The following PCDH15 variants were observed in gnomAD, a reference collection of about 807,000 sequenced individuals.
PCDH15 encodes protocadherin-15.
In PCDH15, 129 loss-of-function variants were observed where a neutral mutation model predicts 178.5. The ratio of observed to expected loss-of-function variants is 0.72; its 90% CI spans 0.63 to 0.84. The LOEUF (loss-of-function observed/expected upper bound fraction) is 0.84. Among genes scored for constraint, PCDH15 ranks in the 40% least tolerant of loss-of-function variants. The pLI, the probability that PCDH15 is intolerant of heterozygous loss-of-function variation, is 0.00. For missense variants in PCDH15, 2,230 were observed against 2,099.9 expected (o/e 1.06, Z -1.21); for synonymous variants, 800 against 732.0 (o/e 1.09, Z -1.50).
chr10:53,821,173 G>A (rs1378780338), intron 32 of PCDH15: 5 of 971,132 alleles, frequency 5.1e-6, no homozygotes, highest in Non-Finnish European at 3.7e-6. Flanking sequence ...GAATAAGACA[G>A]CAACTGAAAA....
intron 2 of PCDH15, among the ~76,000 whole-genome samples, chr10:55,375,983 T>C (rs1400355482): frequency 6.6e-6 from 1 of 152,034 alleles, no homozygotes; most frequent in African/African-American, 2.4e-5. Context: ...TCTATAAAAA[T>C]AGTTAATATA....
chr10:54,320,874 A>T (rs2061558982), intron 7 of PCDH15, among the ~76,000 whole-genome samples: 1 of 151,840 alleles, frequency 6.6e-6, no homozygotes, highest in African/African-American at 2.4e-5. Context: ...AGTAGGTTAT[A>T]TTTTCACATA....
chr10:54,956,689 C>G (rs1312737414), intron 2 of PCDH15, among the ~76,000 whole-genome samples: 1 of 151,464 alleles, frequency 6.6e-6, no homozygotes, highest in African/African-American at 2.4e-5. Context: ...TTTTATTCAG[C>G]AGTTATCCAG....
At chr10:54,319,919 G>A (rs961537181) in intron 7 of PCDH15, among the ~76,000 whole-genome samples, 1 of 152,010 alleles carries the variant, frequency 6.6e-6, no homozygotes, top group Non-Finnish European at 1.5e-5. Flanking sequence ...ATTTCTGTTG[G>A]TGGAATTTTG....
intron 2 of PCDH15, among the ~76,000 whole-genome samples, chr10:54,546,414 T>C (rs557050648): frequency 1.2e-3 from 180 of 152,278 alleles, no homozygotes; most frequent in Non-Finnish European, 1.7e-3. Context: ...TATTAAAGAC[T>C]AAATAAATGA....
intron 1 of PCDH15, among the ~76,000 whole-genome samples, chr10:54,734,369 G>A (rs912748266): frequency 6.6e-6 from 1 of 151,732 alleles, no homozygotes; most frequent in Non-Finnish European, 1.5e-5. Flanking sequence ...TTTTTTTAAA[G>A]GCTAAGATTA....
intron 23 of PCDH15, among the ~76,000 whole-genome samples, chr10:53,958,978 C>CAAAAA (rs71004497): frequency 1.1e-4 from 5 of 45,820 alleles, no homozygotes; most frequent in Admixed American, 3.7e-4. Context: ...GACTCCATCT[C>CAAAAA]AAAAAAAAAA....
intron 16 of PCDH15, among the ~76,000 whole-genome samples, chr10:54,086,752 T>C (rs899283491): frequency 2.6e-5 from 4 of 152,266 alleles, no homozygotes; most frequent in Admixed American, 1.3e-4. Flanking sequence ...ACAACCATTA[T>C]AGGGACATGT....
At chr10:54,000,714 TGTAA>T (rs1210450086) in intron 20 of PCDH15, among the ~76,000 whole-genome samples, 4 of 151,718 alleles carry the variant, frequency 2.6e-5, no homozygotes, top group African/African-American at 9.7e-5. Flanking sequence ...AAAGGGCAAA[TGTAA>T]GTGTTATTGG....
intron 3 of PCDH15, among the ~76,000 whole-genome samples, chr10:54,853,477 A>G (rs1189135238): frequency 6.9e-6 from 1 of 145,054 alleles, no homozygotes; most frequent in East Asian, 2.0e-4. Context: ...ATATATATAT[A>G]GTATTACAAA....
At chr10:53,883,542 G>A (rs559535114) in intron 26 of PCDH15, among the ~76,000 whole-genome samples, 5 of 152,074 alleles carry the variant, frequency 3.3e-5, no homozygotes, top group Non-Finnish European at 7.4e-5. Context: ...CACTGACCAA[G>A]AAGCAGGTCA....
chr10:53,826,971 C>G (rs1260923733), intron 32 of PCDH15, among the ~76,000 whole-genome samples: 1 of 151,850 alleles, frequency 6.6e-6, no homozygotes, highest in Non-Finnish European at 1.5e-5. Flanking sequence ...GTTTGGATAC[C>G]TAATCAGGAT....
rs552018243 is a variant in PCDH15 at position 55,177,543 on chromosome 10, A to G, written c.-155-10892T>C. On this transcript the variant is annotated intron_variant, in intron 1 of 5. Transcript: ENST00000458638. ...CTGCCTCTGGGCAGTTGCAGTGGTA[A>G]CTTTGCTGGTGCCAGAGGCTACTAA... is the stretch of plus-strand genomic sequence containing the variant. Among the ~76,000 whole-genome samples the G allele has an allele frequency of 5.9e-4, 90 of 152,284 alleles. 1 individual carries two copies. The highest frequency in any genetic ancestry group is 1.1e-3 in the Non-Finnish European group (74 of 68,010).
rs758704885 is a variant in PCDH15 at position 55,266,039 on chromosome 10, C to G, written c.-156+53560G>C. On this transcript the variant is annotated intron_variant, in intron 1 of 5. Coordinates refer to the PCDH15 transcript ENST00000458638. ...CAGTTAGCTGTCTTCTAAAGTTTAACCACTCCCATAGAAGGTTTAATACCT... is the reference window on the plus strand; with the variant it reads ...CAGTTAGCTGTCTTCTAAAGTTTAAGCACTCCCATAGAAGGTTTAATACCT... 2.8e-4 allele frequency among the ~76,000 whole-genome samples: 43 copies of G among 152,096 alleles called. 1 individual carries two copies. The highest frequency in any genetic ancestry group is 4.4e-5 in the Non-Finnish European group (3 of 68,022).
chr10:54,346,716 G>A (rs756064086), intron 5 of PCDH15, among the ~76,000 whole-genome samples: 1 of 152,144 alleles, frequency 6.6e-6, no homozygotes, highest in Non-Finnish European at 1.5e-5. Context: ...AGCAGAAGAC[G>A]CTGATTCCGT....
intron 3 of PCDH15, among the ~76,000 whole-genome samples, chr10:54,382,840 G>A (rs1164731290): frequency 6.6e-6 from 1 of 152,084 alleles, no homozygotes; most frequent in Non-Finnish European, 1.5e-5. Context: ...AATAATAAAT[G>A]TGTGTTGTTT....
intron 2 of PCDH15, among the ~76,000 whole-genome samples, chr10:54,570,278 A>G (rs2089630773): frequency 6.6e-6 from 1 of 152,204 alleles, no homozygotes; most frequent in Non-Finnish European, 1.5e-5. Flanking sequence ...ACACAAAAAT[A>G]GTTTTAAAAA....
chr10:54,862,799 T>G (rs1321667206), intron 3 of PCDH15, among the ~76,000 whole-genome samples: 1 of 152,210 alleles, frequency 6.6e-6, no homozygotes, highest in Non-Finnish European at 1.5e-5. Flanking sequence ...GCTGAAGCAG[T>G]ATGAGGCCAT....
chr10:55,464,017 G>C (rs1489938016), intron 2 of PCDH15, among the ~76,000 whole-genome samples: 1 of 107,830 alleles, frequency 9.3e-6, no homozygotes, highest in African/African-American at 3.5e-5. Context: ...AAGAAAGAAA[G>C]AAAGAAAGAA....
Sources: allele counts gnomAD v4.1 joint callset (sites outside exome capture counted in the v4.1 genomes callset), GRCh38; gene constraint gnomAD v4.1.1; transcripts MANE v1.5; gene names NCBI Gene and HGNC (gene_info 2026-07-23, HGNC 2026-07-21).